The following DLG2 variants were observed in gnomAD, a reference collection of about 807,000 sequenced individuals.
DLG2 encodes the protein discs large MAGUK scaffold protein 2.
In DLG2, 45 loss-of-function variants were observed where a neutral mutation model predicts 132.5. The ratio of observed to expected loss-of-function variants is 0.34; its 90% CI spans 0.27 to 0.44. DLG2 has a LOEUF of 0.44. DLG2 is among the 20% of genes least tolerant of loss of function. DLG2 has a pLI of 1.00. For synonymous variants in DLG2, 424 were observed against 419.6 expected, an observed-to-expected ratio of 1.01 and a Z score of -0.13; for missense variants, 1,045 against 1,196.9, an observed-to-expected ratio of 0.87 and a Z score of 1.87.
intron 8 of DLG2, among the ~76,000 whole-genome samples, chr11:84,197,904 A>G (rs73517798): frequency 0.048 from 7,309 of 152,282 alleles, 215 homozygotes; most frequent in Middle Eastern, 0.061. Flanking sequence ...ATATGGGGAT[A>G]TAGGATTTAG....
At chr11:84,989,725 T>G (rs551340596) in intron 6 of DLG2, among the ~76,000 whole-genome samples, 2 of 152,306 alleles carry the variant, frequency 1.3e-5, no homozygotes, top group East Asian at 3.9e-4. Flanking sequence ...CAAGATTTAC[T>G]ACATAGCTAG....
At chr11:83,530,923 G>A (rs1049185157) in intron 21 of DLG2, among the ~76,000 whole-genome samples, 1 of 151,856 alleles carries the variant, frequency 6.6e-6, no homozygotes, top group Non-Finnish European at 1.5e-5. Context: ...CATTTGCAAT[G>A]AACAATCCAA....
chr11:85,234,929 C>G (rs988091681), intron 4 of DLG2, among the ~76,000 whole-genome samples: 1 of 151,808 alleles, frequency 6.6e-6, no homozygotes, highest in Non-Finnish European at 1.5e-5. Context: ...TTCCAATGTC[C>G]CTGTCAGACA....
At chr11:83,918,535 G>T (rs751215019) in intron 15 of DLG2, among the ~76,000 whole-genome samples, 1 of 152,150 alleles carries the variant, frequency 6.6e-6, no homozygotes, top group Non-Finnish European at 1.5e-5. Flanking sequence ...CAACAGAAAC[G>T]TCCATGTTTG....
intron 3 of DLG2, among the ~76,000 whole-genome samples, chr11:85,353,348 G>C (rs2083442138): frequency 6.6e-6 from 1 of 152,212 alleles, no homozygotes; most frequent in African/African-American, 2.4e-5. Context: ...ACAGATGCTG[G>C]AGAGGATGTG....
intron 11 of DLG2, among the ~76,000 whole-genome samples, chr11:84,040,502 C>G (rs1172202976): frequency 6.6e-5 from 10 of 151,750 alleles, no homozygotes; most frequent in South Asian, 2.1e-4. Flanking sequence ...GCCTGTTTTT[C>G]TCAGGTTTGT....
intron 6 of DLG2, among the ~76,000 whole-genome samples, chr11:84,874,353 T>A (rs778242285): frequency 6.6e-6 from 1 of 152,098 alleles, no homozygotes; most frequent in Non-Finnish European, 1.5e-5. Context: ...GCAAGAAGCA[T>A]GTGCAAAGAT....
intron 18 of DLG2, among the ~76,000 whole-genome samples, chr11:83,744,869 C>T (rs1455331423): frequency 1.3e-5 from 2 of 152,108 alleles, no homozygotes; most frequent in East Asian, 1.9e-4. Context: ...CCAGACCTGC[C>T]CTGTAGTCAT....
intron 6 of DLG2, among the ~76,000 whole-genome samples, chr11:84,582,988 T>C (rs2099520206): frequency 6.6e-6 from 1 of 152,214 alleles, no homozygotes; most frequent in African/African-American, 2.4e-5. Context: ...GTAAGAAATG[T>C]CAATTTCATG....
chr11:84,746,679 G>A (rs1217785686), intron 6 of DLG2, among the ~76,000 whole-genome samples: 3 of 152,148 alleles, frequency 2.0e-5, no homozygotes, highest in Non-Finnish European at 4.4e-5. Context: ...TGGGAATGAA[G>A]GCTATTTTGA....
chr11:85,370,111 G>A (rs546485142), intron 3 of DLG2, among the ~76,000 whole-genome samples: 1 of 152,222 alleles, frequency 6.6e-6, no homozygotes, highest in South Asian at 2.1e-4. Flanking sequence ...AAGGCCTATG[G>A]AACTGACATA....
intron 20 of DLG2, among the ~76,000 whole-genome samples, chr11:83,535,805 T>C (rs1013370155): frequency 6.6e-6 from 1 of 152,184 alleles, no homozygotes; most frequent in African/African-American, 2.4e-5. Context: ...TAATTATTAA[T>C]AAAGTTCCTT....
chr11:84,353,795 C>T (rs980201930), intron 7 of DLG2, among the ~76,000 whole-genome samples: 1 of 152,120 alleles, frequency 6.6e-6, no homozygotes, highest in African/African-American at 2.4e-5. Context: ...AAGCCTGATT[C>T]CTCTGTTTGT....
intron 7 of DLG2, among the ~76,000 whole-genome samples, chr11:84,336,762 C>T (rs1021942173): frequency 1.3e-5 from 2 of 152,126 alleles, no homozygotes; most frequent in East Asian, 1.9e-4. Context: ...CTATGTACCT[C>T]TTCTGGGTTC....
intron 7 of DLG2, among the ~76,000 whole-genome samples, chr11:84,447,864 A>G (rs576283621): frequency 6.6e-6 from 1 of 152,260 alleles, no homozygotes; most frequent in South Asian, 2.1e-4. Context: ...TGATAATGGC[A>G]GTAACTATCA....
intron 10 of DLG2, among the ~76,000 whole-genome samples, chr11:84,073,362 C>T (rs2096783583): frequency 6.6e-6 from 1 of 151,972 alleles, no homozygotes; most frequent in African/African-American, 2.4e-5. Flanking sequence ...AAAAGAACTC[C>T]AGTGATAGGG....
intron 7 of DLG2, among the ~76,000 whole-genome samples, chr11:84,421,985 T>C (rs939722078): frequency 3.3e-5 from 5 of 152,218 alleles, no homozygotes; most frequent in African/African-American, 1.2e-4. Context: ...ACAAATTGTG[T>C]TGAGTCTAGA....
chr11:84,205,035 G>C (rs147146173), intron 8 of DLG2, among the ~76,000 whole-genome samples: 173 of 152,232 alleles, frequency 1.1e-3, no homozygotes, highest in African/African-American at 4.0e-3. Context: ...AAAAAACATA[G>C]ATAGAAATTA....
chr11:84,609,330 AC>A (rs1282560760), intron 6 of DLG2, among the ~76,000 whole-genome samples: 1 of 152,194 alleles, frequency 6.6e-6, no homozygotes, highest in Non-Finnish European at 1.5e-5. Flanking sequence ...CCTATAAAGT[AC>A]TAAAAACATT....
Sources: allele counts gnomAD v4.1 joint callset (sites outside exome capture counted in the v4.1 genomes callset), GRCh38; gene constraint gnomAD v4.1.1; transcripts MANE v1.5; gene names NCBI Gene and HGNC (gene_info 2026-07-23, HGNC 2026-07-21).